WFDC3: variants seen among roughly 807,000 people sequenced by gnomAD.
The protein encoded by WFDC3 is WAP four-disulfide core domain 3.
WFDC3 carries 15 observed loss-of-function variants against 25.8 expected under a neutral mutation model. The observed-to-expected ratio is 0.58, with a 90% CI of 0.39 to 0.89. The LOEUF is 0.89. Among genes scored for constraint, WFDC3 ranks in the 40% least tolerant of loss-of-function variants. The probability of loss-of-function intolerance (pLI) is 0.00; values close to 1 mark genes in which losing one functional copy is unlikely to be tolerated. For missense variants in WFDC3, 264 were observed against 289.8 expected, an observed-to-expected ratio of 0.91 and a Z score of 0.65; for synonymous variants, 103 against 107.1, an observed-to-expected ratio of 0.96 and a Z score of 0.24.
At chr20:45,785,209 G>A (rs1055360948) in intron 4 of WFDC3, among the ~76,000 whole-genome samples, 1 of 152,264 alleles carries the variant, frequency 6.6e-6, no homozygotes, top group Admixed American at 6.5e-5. Flanking sequence ...AGTGGCTCAT[G>A]CCTGTAATCC....
At position 45,775,517 on chromosome 20, in the gene WFDC3, T is replaced by C. The variant is rs1394603522; in HGVS notation, c.579A>G (p.Lys193=). ...VMDENCQAGE[K]CCKSGCGRFC... The stretch of plus-strand genomic sequence containing the variant: ...AGCGGCCACAGCCTGACTTGCAACA[T>C]TTTTCTCCAGCTTGACAATTCTCAT... The change falls in exon 6 of 7, where the codon AAA becomes AAG. Residue 193 remains lysine, a synonymous_variant. Coordinates refer to ENST00000243938, the MANE Select transcript of WFDC3 (RefSeq NM_080614.2). 1 of 1,614,136 alleles carries C rather than the reference T, an allele frequency of 6.2e-7. No individual in the cohort carries two copies. Among genetic ancestry groups the C allele is most frequent in the East Asian group, 2.2e-5 (1 of 44,876 alleles).
intron 4 of WFDC3, among the ~76,000 whole-genome samples, chr20:45,781,651 C>G (rs1323058537): frequency 6.6e-6 from 1 of 152,090 alleles, no homozygotes; most frequent in Non-Finnish European, 1.5e-5. Flanking sequence ...GTGTTTTCTA[C>G]CAGGGAAACT....
chr20:45,788,805 G>T (rs1980804116), intron 3 of WFDC3, 126 bp downstream of exon 3: 35 of 1,334,226 alleles, frequency 2.6e-5, no homozygotes, highest in Middle Eastern at 1.9e-4. Flanking sequence ...AAAGAGTAAA[G>T]AAGAAGTACT....
intron 1 of WFDC3, chr20:45,790,871 A>C (rs1480887884): frequency 2.1e-6 from 1 of 470,978 alleles, no homozygotes; most frequent in East Asian, 6.9e-5. Flanking sequence ...TATGAAGTCT[A>C]GCTGGCAGAA....
At chr20:45,789,447 A>G (rs1251118375) in intron 2 of WFDC3, among the ~76,000 whole-genome samples, 3 of 148,328 alleles carry the variant, frequency 2.0e-5, no homozygotes, top group Non-Finnish European at 4.5e-5. Flanking sequence ...TGGAGTTTGC[A>G]GTGAGCTGAG....
chr20:45,783,802 TG>T (rs771017120), intron 4 of WFDC3, among the ~76,000 whole-genome samples: 14 of 152,280 alleles, frequency 9.2e-5, no homozygotes, highest in Non-Finnish European at 8.8e-5. Flanking sequence ...TTCATAGCCC[TG>T]GAAGGAGAGC....
At chr20:45,776,638 A>G (rs1274093301) in intron 5 of WFDC3, among the ~76,000 whole-genome samples, 13 of 69,548 alleles carry the variant, frequency 1.9e-4, no homozygotes, top group Admixed American at 6.7e-4. Context: ...AAAAAAAAAT[A>G]TATATATATA....
At chr20:45,777,049 A>G (rs1388562898) in intron 5 of WFDC3, 26 bp downstream of exon 5, 1 of 1,611,512 alleles carries the variant, frequency 6.2e-7, no homozygotes, top group African/African-American at 1.3e-5. Context: ...ACACTCAAGG[A>G]TTTCTTCCCA....
At chr20:45,776,635 A>ATAT (rs1219644731) in intron 5 of WFDC3, among the ~76,000 whole-genome samples, 54 of 92,928 alleles carry the variant, frequency 5.8e-4, no homozygotes, top group Non-Finnish European at 9.2e-4. Context: ...AAAAAAAAAA[A>ATAT]ATATATATAT....
chr20:45,775,927 T>C (rs1451732943), intron 5 of WFDC3, among the ~76,000 whole-genome samples: 2 of 152,178 alleles, frequency 1.3e-5, no homozygotes, highest in Non-Finnish European at 2.9e-5. Context: ...CCTCCCCCTA[T>C]GCTCTGGATT....
chr20:45,774,942 CA>C (rs3080049), intron 6 of WFDC3, among the ~76,000 whole-genome samples: 5,394 of 118,076 alleles, frequency 0.046, 362 homozygotes, highest in African/African-American at 0.16. Flanking sequence ...AACTCCATCT[CA>C]AAAAAAAAAA....
intron 4 of WFDC3, 151 bp downstream of exon 4, chr20:45,787,685 T>G: frequency 9.2e-7 from 1 of 1,082,638 alleles, no homozygotes; most frequent in Non-Finnish European, 1.2e-6. Context: ...ATACCACAAA[T>G]GATTATGGCT....
In WFDC3 at chr20:45,787,282, CTTTTTTTTTTTTTT is replaced by C. The variant is rs1158318114; in HGVS notation, c.358+540_358+553del. Among the ~76,000 whole-genome samples the C allele has an allele frequency of 1.3e-3, 98 of 73,682 alleles. 1 individual carries two copies. The highest frequency in any genetic ancestry group is 5.5e-3 in the African/African-American group (96 of 17,502). 48.3% of individuals were successfully genotyped at this position (73,682 alleles called of 152,430 possible). ...GAATTACCCAGTGGTTTTCTTTTTTCTTTTTTTTTTTTTTTTTTTTTTTTTTGAGACAGAGTCTC... is the reference window on the plus strand; with the variant it reads ...GAATTACCCAGTGGTTTTCTTTTTTCTTTTTTTTTTTTGAGACAGAGTCTC... On this transcript the variant is annotated intron_variant, in intron 4 of 6. Coordinates refer to ENST00000243938, the MANE Select transcript of WFDC3 (RefSeq NM_080614.2).
At chr20:45,778,486 C>T (rs1980294605) in intron 4 of WFDC3, among the ~76,000 whole-genome samples, 2 of 152,184 alleles carry the variant, frequency 1.3e-5, no homozygotes, top group African/African-American at 4.8e-5. Flanking sequence ...TGATTTGTTT[C>T]CCCATACTCT....
At chr20:45,778,353 C>T (rs377096469) in intron 4 of WFDC3, among the ~76,000 whole-genome samples, 2 of 152,182 alleles carry the variant, frequency 1.3e-5, no homozygotes, top group Admixed American at 6.5e-5. Flanking sequence ...CTCAGGCAAC[C>T]TACACAACTG....
rs1276773218 is a variant in WFDC3, at chr20:45,776,602, AAAAAAAAAAAGAAAAAAAAG to A, written c.493+453_493+472del. On this transcript the variant is annotated intron_variant, in intron 5 of 6. Coordinates refer to ENST00000243938, the MANE Select transcript of WFDC3 (RefSeq NM_080614.2). The stretch of plus-strand genomic sequence containing the variant: ...TACAGACCAAGACTCTGTCTCAAAA[AAAAAAAAAAAGAAAAAAAAG>A]AAAAAAAAAAAAAATATATATATAT... Among the ~76,000 whole-genome samples, 305 of 45,138 alleles carry A rather than the reference AAAAAAAAAAAGAAAAAAAAG, an allele frequency of 6.8e-3. 3 individuals are homozygous for A. The highest frequency in any genetic ancestry group is 0.011 in the African/African-American group (118 of 11,076). The allele number at this position is 45,138 out of a possible 152,430, so 29.6% of individuals were successfully genotyped here.
At chr20:45,790,664 G>T (rs1287348089) in intron 1 of WFDC3, among the ~76,000 whole-genome samples, 1 of 152,002 alleles carries the variant, frequency 6.6e-6, no homozygotes, top group African/African-American at 2.4e-5. Context: ...GGCAGAGGTT[G>T]CAGTGAGTGG....
At chr20:45,787,765 G>T in intron 4 of WFDC3, 71 bp downstream of exon 4, 1 of 1,507,678 alleles carries the variant, frequency 6.6e-7, no homozygotes, top group Non-Finnish European at 8.9e-7. Context: ...CCAACAAGCT[G>T]ATATGTGCAT....
intron 5 of WFDC3, among the ~76,000 whole-genome samples, chr20:45,776,313 T>TGG (rs1463867734): frequency 2.0e-5 from 3 of 146,678 alleles, no homozygotes; most frequent in Non-Finnish European, 4.5e-5. Flanking sequence ...TGTGTGTGTG[T>TGG]GTGTGTGTTT....
Sources: allele counts gnomAD v4.1 joint callset (sites outside exome capture counted in the v4.1 genomes callset), GRCh38; gene constraint gnomAD v4.1.1; transcripts MANE v1.5; gene names NCBI Gene and HGNC (gene_info 2026-07-23, HGNC 2026-07-21).